The following TRPC4 variants were observed in gnomAD, a reference collection of about 807,000 sequenced individuals.
The protein encoded by TRPC4 is transient receptor potential cation channel subfamily C member 4.
In TRPC4, 49 loss-of-function variants were observed where a neutral mutation model predicts 99.4. The ratio of observed to expected loss-of-function variants is 0.49; its 90% CI spans 0.39 to 0.63. The LOEUF is 0.63. Ranked by LOEUF, TRPC4 falls within the 20% of genes least tolerant of loss-of-function variation. The pLI, the probability that TRPC4 is intolerant of heterozygous loss-of-function variation, is 0.00. For synonymous variants in TRPC4, 454 were observed against 425.9 expected, an observed-to-expected ratio of 1.07 and a Z score of -0.81; for missense variants, 898 against 1,152.9, an observed-to-expected ratio of 0.78 and a Z score of 3.20.
intron 4 of TRPC4, among the ~76,000 whole-genome samples, chr13:37,676,326 T>A (rs1193612747): frequency 2.7e-5 from 4 of 147,724 alleles, no homozygotes; most frequent in Non-Finnish European, 6.0e-5. Flanking sequence ...AAAGTAAGAC[T>A]GACAGCAAAC....
chr13:37,820,821 C>A (rs1182010351), intron 1 of TRPC4, among the ~76,000 whole-genome samples: 1 of 151,966 alleles, frequency 6.6e-6, no homozygotes, highest in Admixed American at 6.6e-5. Flanking sequence ...AGACTCACAG[C>A]AAACATTATA....
At chr13:37,850,109 A>G (rs1005348467) in intron 1 of TRPC4, among the ~76,000 whole-genome samples, 1 of 152,206 alleles carries the variant, frequency 6.6e-6, no homozygotes, top group African/African-American at 2.4e-5. Context: ...TATTCTATCA[A>G]GATTTATAGG....
chr13:37,844,732 A>AC (rs1958842640), intron 1 of TRPC4, among the ~76,000 whole-genome samples: 1 of 152,036 alleles, frequency 6.6e-6, no homozygotes, highest in South Asian at 2.1e-4. Context: ...ACTGCCAAAA[A>AC]CCAGCAACTG....
intron 2 of TRPC4, among the ~76,000 whole-genome samples, chr13:37,773,042 T>A (rs531485899): frequency 5.9e-4 from 89 of 151,844 alleles, no homozygotes; most frequent in African/African-American, 2.1e-3. Flanking sequence ...TTTTGTTAAA[T>A]CAGTAACTTA....
intron 5 of TRPC4, among the ~76,000 whole-genome samples, chr13:37,670,707 G>A (rs1333987579): frequency 6.6e-6 from 1 of 152,056 alleles, no homozygotes; most frequent in East Asian, 1.9e-4. Context: ...TGACCTAAAT[G>A]GATCCTTATA....
chr13:37,776,054 C>T (rs1956692977), intron 2 of TRPC4, among the ~76,000 whole-genome samples: 1 of 151,742 alleles, frequency 6.6e-6, no homozygotes, highest in African/African-American at 2.4e-5. Flanking sequence ...ACTAATAGTG[C>T]AGCATGATCC....
At chr13:37,687,923 C>A (rs1287256781) in intron 4 of TRPC4, among the ~76,000 whole-genome samples, 1 of 152,158 alleles carries the variant, frequency 6.6e-6, no homozygotes, top group Non-Finnish European at 1.5e-5. Flanking sequence ...ATATTGGTGT[C>A]CATCTGTCTG....
intron 3 of TRPC4, among the ~76,000 whole-genome samples, chr13:37,739,509 T>TC (rs1459809000): frequency 1.3e-5 from 2 of 149,180 alleles, no homozygotes; most frequent in African/African-American, 4.9e-5. Context: ...ATGAGATTTT[T>TC]TTTTTTTTTT....
chr13:37,691,431 T>C (rs939597138), intron 4 of TRPC4, among the ~76,000 whole-genome samples: 3 of 152,208 alleles, frequency 2.0e-5, no homozygotes, highest in African/African-American at 7.2e-5. Context: ...CTAGCTACTT[T>C]AAGGTTTTCT....
At chr13:37,648,282 A>G (rs752452239) in intron 8 of TRPC4, among the ~76,000 whole-genome samples, 6 of 152,158 alleles carry the variant, frequency 3.9e-5, no homozygotes, top group Non-Finnish European at 7.3e-5. Context: ...TATAAATTAT[A>G]CCTATCATTT....
intron 2 of TRPC4, among the ~76,000 whole-genome samples, chr13:37,764,480 G>A (rs1956305480): frequency 2.0e-5 from 3 of 148,658 alleles, no homozygotes; most frequent in Admixed American, 1.3e-4. Flanking sequence ...ATAATTTGTA[G>A]ATGATGTTTT....
At chr13:37,716,784 T>A (rs1954683042) in intron 3 of TRPC4, among the ~76,000 whole-genome samples, 1 of 152,186 alleles carries the variant, frequency 6.6e-6, no homozygotes. Context: ...GAGCATGGTA[T>A]TTTTAAACTA....
chr13:37,714,035 G>A (rs1026471992), intron 3 of TRPC4, among the ~76,000 whole-genome samples: 1 of 151,340 alleles, frequency 6.6e-6, no homozygotes, highest in African/African-American at 2.4e-5. Context: ...ACCCAAGCTT[G>A]CTTCCTTCCT....
intron 1 of TRPC4, among the ~76,000 whole-genome samples, chr13:37,828,986 T>A (rs1392704567): frequency 6.6e-6 from 1 of 152,036 alleles, no homozygotes; most frequent in Non-Finnish European, 1.5e-5. Flanking sequence ...AGAAAAAAAT[T>A]TAAAAAGAGC....
At chr13:37,853,022 G>A (rs910375131) in intron 1 of TRPC4, among the ~76,000 whole-genome samples, 6 of 152,076 alleles carry the variant, frequency 3.9e-5, no homozygotes, top group South Asian at 2.1e-4. Context: ...TGGAGTCACC[G>A]AGAGCCTGGG....
chr13:37,775,563 T>C (rs999788981), intron 2 of TRPC4, among the ~76,000 whole-genome samples: 5 of 151,696 alleles, frequency 3.3e-5, no homozygotes, highest in African/African-American at 1.2e-4. Flanking sequence ...AAGGACTAAA[T>C]AATTTTTCTG....
chr13:37,743,345 G>A (rs1955646372), intron 3 of TRPC4, among the ~76,000 whole-genome samples: 3 of 152,056 alleles, frequency 2.0e-5, no homozygotes, highest in South Asian at 4.1e-4. Flanking sequence ...GAGAAGTGTT[G>A]GAAATTATTA....
chr13:37,659,557 C>A (rs1298517276), intron 6 of TRPC4, among the ~76,000 whole-genome samples: 1 of 152,116 alleles, frequency 6.6e-6, no homozygotes, highest in Non-Finnish European at 1.5e-5. Context: ...AAATGTCAAG[C>A]TAAAGAATGT....
At chr13:37,641,550 T>A (rs561599462) in intron 8 of TRPC4, among the ~76,000 whole-genome samples, 1 of 152,314 alleles carries the variant, frequency 6.6e-6, no homozygotes, top group East Asian at 1.9e-4. Flanking sequence ...GCTCACCAAA[T>A]AATTAATGCT....
Sources: allele counts gnomAD v4.1 joint callset (sites outside exome capture counted in the v4.1 genomes callset), GRCh38; gene constraint gnomAD v4.1.1; transcripts MANE v1.5; gene names NCBI Gene and HGNC (gene_info 2026-07-23, HGNC 2026-07-21).